Variants in OSBPL8 observed in about 807,000 individuals in gnomAD.
OSBPL8 encodes oxysterol binding protein like 8, also known as oxysterol-binding protein-related protein 8.
OSBPL8 carries 59 observed loss-of-function variants against 125.5 expected under a neutral mutation model. The observed-to-expected ratio is 0.47, with a 90% CI of 0.38 to 0.58. The LOEUF (loss-of-function observed/expected upper bound fraction) is 0.58. Ranked by LOEUF, OSBPL8 falls within the 20% of genes least tolerant of loss-of-function variation. OSBPL8 has a pLI of 0.00. For missense variants in OSBPL8, 758 were observed against 1,047.8 expected (o/e 0.72, Z 3.82); for synonymous variants, 330 against 338.9 (o/e 0.97, Z 0.29).
intron 1 of OSBPL8, among the ~76,000 whole-genome samples, chr12:76,527,699 A>C (rs1183338029): frequency 6.6e-6 from 1 of 152,218 alleles, no homozygotes; most frequent in East Asian, 1.9e-4. Flanking sequence ...ATACCAAGAC[A>C]GGCCCAGGGA....
At chr12:76,387,201 A>G (rs553081547) in intron 12 of OSBPL8, among the ~76,000 whole-genome samples, 7 of 152,304 alleles carry the variant, frequency 4.6e-5, no homozygotes, top group South Asian at 4.1e-4. Flanking sequence ...GCTGTAGTAC[A>G]TGGAGGGGAG....
chr12:76,530,009 CTA>C (rs1950289674), intron 1 of OSBPL8, among the ~76,000 whole-genome samples: 1 of 152,100 alleles, frequency 6.6e-6, no homozygotes, highest in Non-Finnish European at 1.5e-5. Context: ...ACAAAAGCCT[CTA>C]TGATATGATA....
chr12:76,408,524 T>C lies in OSBPL8; in HGVS notation c.288+2040A>G, dbSNP rs945159713. On this transcript the variant is annotated intron_variant, in intron 5 of 23. Coordinates refer to ENST00000261183, the MANE Select transcript of OSBPL8 (RefSeq NM_020841.5). ...ATTGTAACTAGCAGCTAAAAACTTA[T>C]AGGTAATAGGAGAGTCAAGATTCAA... Among the ~76,000 whole-genome samples, 5 of 148,130 alleles carry C rather than the reference T, an allele frequency of 3.4e-5. No homozygotes were observed. The East Asian group carries it at 6.0e-4, about 18-fold the overall frequency.
chr12:76,428,073 G>A (rs1870362930), intron 4 of OSBPL8, among the ~76,000 whole-genome samples: 1 of 152,022 alleles, frequency 6.6e-6, no homozygotes, highest in African/African-American at 2.4e-5. Flanking sequence ...AAACACTGAT[G>A]TAAATGGTAT....
chr12:76,514,238 G>A (rs1007996330), intron 1 of OSBPL8, among the ~76,000 whole-genome samples: 1 of 151,970 alleles, frequency 6.6e-6, no homozygotes, highest in African/African-American at 2.4e-5. Flanking sequence ...TCCGCCTCCC[G>A]GGTTCAAGCG....
Position 76,371,464 on chromosome 12 carries a change from C to A in OSBPL8, c.2038G>T (p.Asp680Tyr). 6.2e-7 allele frequency: 1 copy of A among 1,605,458 alleles called. No homozygotes were observed. The highest frequency in any genetic ancestry group is 8.5e-7 in the Non-Finnish European group (1 of 1,175,672). ...RHTVKFEEQG[D>Y]FESEKLWQRV... ...TATACTTACTTCTCTGATTCAAAAT[C>A]TCCCTGTTCTTCAAATTTTACAGTG... The change falls in exon 19 of 24, where the codon GAT becomes TAT. Residue 680 changes from aspartate to tyrosine, a missense_variant. Physicochemically the swap from Asp to Tyr is radical, Grantham distance 160. Around this residue, in one of 3 missense-constraint regions of OSBPL8, gnomAD observed 572 missense variants for 762.0 expected, o/e 0.75. Transcript: ENST00000261183.
Position 76,356,014 on chromosome 12 carries a change from TAATATTTCTATAAAAATA to T in OSBPL8, c.2538-11_2544del. ...GAAACTAAATGATTTCGAAGAGCCA[TAATATTTCTATAAAAATA>T]AGCAACAACAAATTTTGTAATGATT... is the stretch of plus-strand genomic sequence containing the variant. On this transcript the variant is annotated splice_acceptor_variant and splice_polypyrimidine_tract_variant and coding_sequence_variant and intron_variant, in exon 24 of 24. Coordinates refer to ENST00000261183, the MANE Select transcript of OSBPL8 (RefSeq NM_020841.5). LOFTEE classifies it high-confidence loss of function. 1 of 1,605,666 alleles carries T rather than the reference TAATATTTCTATAAAAATA, an allele frequency of 6.2e-7. No homozygotes were observed. Among genetic ancestry groups the T allele is most frequent in the Non-Finnish European group, 8.5e-7 (1 of 1,177,692 alleles).
At chr12:76,518,569 A>T (rs1030417579) in intron 1 of OSBPL8, among the ~76,000 whole-genome samples, 2 of 152,160 alleles carry the variant, frequency 1.3e-5, no homozygotes, top group East Asian at 3.9e-4. Context: ...TTTCCCCTCC[A>T]CACTGCCCTA....
At chr12:76,496,448 ACAACCT>A (rs1225294911) in intron 1 of OSBPL8, among the ~76,000 whole-genome samples, 1 of 150,828 alleles carries the variant, frequency 6.6e-6, no homozygotes, top group African/African-American at 2.4e-5. Flanking sequence ...ACAGCTCACT[ACAACCT>A]CAACCACCTG....
At chr12:76,483,660 C>CTTTTTTTTTTTTTTTTTTTTTT in intron 2 of OSBPL8, among the ~76,000 whole-genome samples, 1 of 57,438 alleles carries the variant, frequency 1.7e-5, no homozygotes, top group Non-Finnish European at 3.0e-5. Context: ...CTGTAATAGT[C>CTTTTTTTTTTTTTTTTTTTTTT]TTTTTTTTTT....
intron 1 of OSBPL8, among the ~76,000 whole-genome samples, chr12:76,523,788 A>G (rs1477260184): frequency 6.6e-6 from 1 of 152,218 alleles, no homozygotes; most frequent in Non-Finnish European, 1.5e-5. Flanking sequence ...TGTTTAAGCC[A>G]TCTAGTCTAC....
At position 76,353,709 on chromosome 12, in the gene OSBPL8, T is replaced by C. The variant is rs954583773; in HGVS notation, c.*2180A>G. The C allele has an allele frequency of 6.6e-6, 1 of 152,458 alleles. No individual in the cohort carries two copies. The highest frequency in any genetic ancestry group is 2.4e-5 in the African/African-American group (1 of 41,468). 9.4% of individuals were successfully genotyped at this position (152,458 alleles called of 1,614,324 possible). A position where few individuals can be genotyped will look rare whatever the true frequency, so the allele number is the denominator to read the frequency against. ...TGTTCAGTTCATAGAAAGAGACTCA[T>C]ACAACTAAAAGCATAATAAGAGGAC... On this transcript the variant is annotated 3_prime_UTR_variant, in exon 24 of 24. Coordinates refer to ENST00000261183, the MANE Select transcript of OSBPL8 (RefSeq NM_020841.5).
chr12:76,456,254 T>C (rs1289082496), intron 3 of OSBPL8, among the ~76,000 whole-genome samples: 2 of 152,224 alleles, frequency 1.3e-5, no homozygotes, highest in South Asian at 2.1e-4. Context: ...ATTTCTTAAA[T>C]ACTCCAATAA....
At chr12:76,398,718 C>T (rs189582576) in intron 7 of OSBPL8, among the ~76,000 whole-genome samples, 22 of 152,196 alleles carry the variant, frequency 1.4e-4, no homozygotes, top group Admixed American at 3.9e-4. Context: ...TGAAATAATA[C>T]AGGATTCCTT....
chr12:76,445,203 T>C (rs760666380), intron 4 of OSBPL8, among the ~76,000 whole-genome samples: 1 of 152,110 alleles, frequency 6.6e-6, no homozygotes, highest in Non-Finnish European at 1.5e-5. Context: ...AGGCATAAAA[T>C]GATAGAGATC....
chr12:76,459,639 T>C (rs1335087577), intron 3 of OSBPL8, among the ~76,000 whole-genome samples: 1 of 152,146 alleles, frequency 6.6e-6, no homozygotes, highest in African/African-American at 2.4e-5. Flanking sequence ...AAGATGTAAA[T>C]ATACAAACAC....
chr12:76,535,236 AT>A (rs1950459011), intron 1 of OSBPL8, among the ~76,000 whole-genome samples: 1 of 152,156 alleles, frequency 6.6e-6, no homozygotes, highest in Non-Finnish European at 1.5e-5. Context: ...AATGACTCAG[AT>A]TCTGACTATA....
At chr12:76,444,545 A>G (rs1872547813) in intron 4 of OSBPL8, among the ~76,000 whole-genome samples, 1 of 152,244 alleles carries the variant, frequency 6.6e-6, no homozygotes, top group Admixed American at 6.5e-5. Context: ...GAAACAGTGA[A>G]GAAAGCTATC....
At chr12:76,494,641 C>T (rs972956675) in intron 1 of OSBPL8, among the ~76,000 whole-genome samples, 3 of 152,040 alleles carry the variant, frequency 2.0e-5, no homozygotes, top group African/African-American at 7.2e-5. Flanking sequence ...ACAAGATGAC[C>T]TAGATTTCTG....
Sources: allele counts gnomAD v4.1 joint callset (sites outside exome capture counted in the v4.1 genomes callset), GRCh38; gene constraint gnomAD v4.1.1; regional missense constraint gnomAD v4.1.1; transcripts MANE v1.5; gene names NCBI Gene and HGNC (gene_info 2026-07-23, HGNC 2026-07-21).